The following PPP2R5E variants were observed in gnomAD, a reference collection of about 807,000 sequenced individuals.
PPP2R5E encodes the protein serine/threonine-protein phosphatase 2A 56 kDa regulatory subunit epsilon isoform.
In PPP2R5E, 4 loss-of-function variants were observed where a neutral mutation model predicts 65.3. The ratio of observed to expected loss-of-function variants is 0.06; its 90% CI spans 0.03 to 0.14. The LOEUF (loss-of-function observed/expected upper bound fraction) is 0.14, where lower values mean the gene tolerates loss of function less well. Ranked by LOEUF, PPP2R5E falls within the 10% of genes least tolerant of loss-of-function variation. PPP2R5E has a pLI of 1.00. For synonymous variants in PPP2R5E, 183 were observed against 187.4 expected (o/e 0.98, Z 0.19); for missense variants, 274 against 556.1 (o/e 0.49, Z 5.10).
intron 2 of PPP2R5E, among the ~76,000 whole-genome samples, chr14:63,534,601 A>T (rs1428823396): frequency 6.6e-6 from 1 of 152,168 alleles, no homozygotes; most frequent in Non-Finnish European, 1.5e-5. Context: ...AATGAGTAAG[A>T]ATCTTTTAGA....
intron 2 of PPP2R5E, among the ~76,000 whole-genome samples, chr14:63,496,405 C>G (rs958991660): frequency 2.7e-5 from 4 of 147,552 alleles, no homozygotes; most frequent in African/African-American, 1.0e-4. Context: ...GATCACGCCA[C>G]TACACTCCAG....
In PPP2R5E at chr14:63,373,563, TTTAA is replaced by T. The variant is rs1883811674; in HGVS notation, c.*2442_*2445del. 1 of 152,244 alleles carries T rather than the reference TTTAA, an allele frequency of 6.6e-6. No homozygotes were observed. Among genetic ancestry groups the T allele is most frequent in the African/African-American group, 2.4e-5 (1 of 41,466 alleles). 9.4% of individuals were successfully genotyped at this position (152,244 alleles called of 1,614,324 possible). On this transcript the variant is annotated 3_prime_UTR_variant, in exon 14 of 14. Transcript: ENST00000337537. The stretch of plus-strand genomic sequence containing the variant: ...GCCCTACGAATTTTAGACATATAGC[TTTAA>T]TTGATTCTATAAATATGTCTAAAAT...
At chr14:63,485,961 T>C (rs112232299) in intron 2 of PPP2R5E, among the ~76,000 whole-genome samples, 3,346 of 151,374 alleles carry the variant, frequency 0.022, 73 homozygotes, top group African/African-American at 0.061. Context: ...TCCCAAGTAG[T>C]TGGGATTACA....
At chr14:63,449,142 A>C (rs1028989060) in intron 3 of PPP2R5E, among the ~76,000 whole-genome samples, 1 of 152,204 alleles carries the variant, frequency 6.6e-6, no homozygotes, top group Non-Finnish European at 1.5e-5. Context: ...TTCATAAAAA[A>C]CACTATCATT....
At chr14:63,493,132 G>T (rs936646879) in intron 2 of PPP2R5E, among the ~76,000 whole-genome samples, 3 of 152,060 alleles carry the variant, frequency 2.0e-5, no homozygotes, top group Admixed American at 2.0e-4. Context: ...ATAGTTGTAT[G>T]ATAGAGCACC....
At chr14:63,418,622 A>C (rs769088078) in intron 4 of PPP2R5E, among the ~76,000 whole-genome samples, 10 of 151,354 alleles carry the variant, frequency 6.6e-5, no homozygotes, top group Non-Finnish European at 1.2e-4. Flanking sequence ...ACTAAAAACA[A>C]ATTCTTAATT....
intron 2 of PPP2R5E, among the ~76,000 whole-genome samples, chr14:63,519,574 G>C (rs573877098): frequency 6.8e-6 from 1 of 146,960 alleles, no homozygotes; most frequent in Non-Finnish European, 1.5e-5. Flanking sequence ...GGGGGGTCTC[G>C]AACTCCTGAC....
chr14:63,521,259 A>G (rs1892896996), intron 2 of PPP2R5E, among the ~76,000 whole-genome samples: 1 of 152,242 alleles, frequency 6.6e-6, no homozygotes, highest in Non-Finnish European at 1.5e-5. Context: ...AATACAATAT[A>G]GCTCTATTCA....
rs75746746 is a variant in PPP2R5E, at chr14:63,453,474, C to T, written c.354+215G>A. ...CTTCATATTTTGAAGTCATTTATTGCTTCAGCACTGTCGTAGTTAAAGTTC... is the reference window on the plus strand; with the variant it reads ...CTTCATATTTTGAAGTCATTTATTGTTTCAGCACTGTCGTAGTTAAAGTTC... On this transcript the variant is annotated intron_variant, in intron 3 of 13. Transcript: ENST00000337537. 6.0e-3 allele frequency: 2,246 copies of T among 375,600 alleles called. 40 individuals are homozygous for T. The highest frequency in any genetic ancestry group is 0.043 in the African/African-American group (2,063 of 48,366). 23.3% of individuals were successfully genotyped at this position (375,600 alleles called of 1,614,324 possible). A position where few individuals can be genotyped will look rare whatever the true frequency, so the allele number is the denominator to read the frequency against.
At chr14:63,436,397 A>G (rs1887954113) in intron 3 of PPP2R5E, among the ~76,000 whole-genome samples, 1 of 152,212 alleles carries the variant, frequency 6.6e-6, no homozygotes, top group Admixed American at 6.5e-5. Flanking sequence ...AAATCACAAA[A>G]AATAAACAAG....
intron 1 of PPP2R5E, 61 bp from the exon 2 acceptor site, chr14:63,539,753 T>TG (rs1893813471): frequency 1.4e-6 from 2 of 1,467,454 alleles, no homozygotes; most frequent in Non-Finnish European, 1.9e-6. Context: ...ACATGTGAGT[T>TG]ATACAAATTC....
At chr14:63,456,143 T>C (rs183809654) in intron 2 of PPP2R5E, among the ~76,000 whole-genome samples, 104 of 152,358 alleles carry the variant, frequency 6.8e-4, no homozygotes, top group African/African-American at 2.2e-3. Context: ...ATATTTGATA[T>C]AGTGATTTTA....
chr14:63,502,512 C>T (rs149843471), intron 2 of PPP2R5E, among the ~76,000 whole-genome samples: 2,052 of 151,878 alleles, frequency 0.014, 42 homozygotes, highest in African/African-American at 0.047. Flanking sequence ...ATTAAAAATA[C>T]AAAAATTAGC....
At chr14:63,456,641 A>G (rs1889142289) in intron 2 of PPP2R5E, among the ~76,000 whole-genome samples, 2 of 152,252 alleles carry the variant, frequency 1.3e-5, no homozygotes. Flanking sequence ...ACTTGCCCAT[A>G]GTCACACAGT....
chr14:63,390,746 T>C (rs529350011), intron 10 of PPP2R5E, among the ~76,000 whole-genome samples: 225 of 152,366 alleles, frequency 1.5e-3, no homozygotes, highest in Non-Finnish European at 1.6e-3. Context: ...AATATGTATA[T>C]GGAATTTCTC....
chr14:63,437,711 G>C (rs927538719), intron 3 of PPP2R5E, among the ~76,000 whole-genome samples: 1 of 152,062 alleles, frequency 6.6e-6, no homozygotes, highest in African/African-American at 2.4e-5. Context: ...AGCCCATTTA[G>C]CACCTAACAT....
At chr14:63,480,469 G>A (rs1266685863) in intron 2 of PPP2R5E, among the ~76,000 whole-genome samples, 1 of 152,058 alleles carries the variant, frequency 6.6e-6, no homozygotes, top group Non-Finnish European at 1.5e-5. Flanking sequence ...AAAAACAGTT[G>A]GGGTCTTACT....
chr14:63,490,004 T>C (rs1041699103), intron 2 of PPP2R5E, among the ~76,000 whole-genome samples: 8 of 152,128 alleles, frequency 5.3e-5, no homozygotes, highest in African/African-American at 1.9e-4. Flanking sequence ...ACTATAAACA[T>C]ATTTTTTTCC....
At chr14:63,522,895 T>C (rs903362310) in intron 2 of PPP2R5E, among the ~76,000 whole-genome samples, 1 of 136,520 alleles carries the variant, frequency 7.3e-6, no homozygotes, top group Non-Finnish European at 1.6e-5. Context: ...AGCCGCCCCG[T>C]CCGGGAGGGA....
Sources: gnomAD v4.1 joint callset for allele counts (sites outside exome capture counted in the v4.1 genomes callset) on GRCh38, gnomAD v4.1.1 for gene constraint, MANE v1.5 for transcripts, NCBI Gene and HGNC (gene_info 2026-07-23, HGNC 2026-07-21) for gene names.